Variants in RAP1GAP2 observed in about 807,000 individuals in gnomAD.
RAP1GAP2 encodes the protein RAP1 GTPase activating protein 2.
RAP1GAP2 carries 27 observed loss-of-function variants against 95.0 expected under a neutral mutation model. The ratio of observed to expected loss-of-function variants is 0.28; its 90% CI spans 0.21 to 0.39. RAP1GAP2 has a LOEUF of 0.39. Among genes scored for constraint, RAP1GAP2 ranks in the 10% least tolerant of loss-of-function variants. RAP1GAP2 has a pLI of 1.00. For synonymous variants in RAP1GAP2, 373 were observed against 380.9 expected, an observed-to-expected ratio of 0.98 and a Z score of 0.24; for missense variants, 771 against 970.0, an observed-to-expected ratio of 0.79 and a Z score of 2.72.
In RAP1GAP2 at chr17:2,867,167, T is replaced by C. The variant is rs530280044; in HGVS notation, c.81-38117T>C. Among the ~76,000 whole-genome samples the C allele has an allele frequency of 1.8e-4, 27 of 152,344 alleles. No homozygotes were observed. Among genetic ancestry groups the C allele is most frequent in the Middle Eastern group, 3.4e-3 (1 of 294 alleles). On this transcript the variant is annotated intron_variant, in intron 2 of 24. Transcript: ENST00000254695. The surrounding 1 kb of genome is among the most constrained non-coding windows in gnomAD (Gnocchi z 4.5). ...CCCTCACCTTGGCCTCCCAAAGTGC[T>C]GGGATTACAGGTGTGAGCCACCGTG...
chr17:2,817,043 C>T (rs1421176124), intron 2 of RAP1GAP2, among the ~76,000 whole-genome samples: 5 of 96,776 alleles, frequency 5.2e-5, no homozygotes, highest in Admixed American at 2.1e-4. Flanking sequence ...GCTGGATTGC[C>T]GTGGTATGAT....
chr17:3,014,339 A>G (rs1022144636), intron 17 of RAP1GAP2, among the ~76,000 whole-genome samples: 2 of 152,220 alleles, frequency 1.3e-5, no homozygotes, highest in African/African-American at 4.8e-5. Context: ...GCATTTGTAT[A>G]CTAAACATCT....
chr17:2,811,163 C>T (rs771229478), intron 2 of RAP1GAP2, among the ~76,000 whole-genome samples: 8 of 152,134 alleles, frequency 5.3e-5, no homozygotes, highest in Admixed American at 3.3e-4. Context: ...TCACCCCGGC[C>T]TCTGCAGCTA....
Position 2,870,847 on chromosome 17 carries a change from G to A in RAP1GAP2, c.81-34437G>A, listed in dbSNP as rs572640759. On this transcript the variant is annotated intron_variant, in intron 2 of 24. Transcript: ENST00000254695. The surrounding 1 kb of genome is among the most constrained non-coding windows in gnomAD (Gnocchi z 4.4). ...CATTGGCAGAACTCCTCTCTGTCTC[G>A]TCACTGTGTCTCTTTGTGTTGGCTT... 3.2e-3 allele frequency among the ~76,000 whole-genome samples: 480 copies of A among 152,296 alleles called. 1 individual carries two copies. Among genetic ancestry groups the A allele is most frequent in the Non-Finnish European group, 5.1e-3 (346 of 68,026 alleles).
intron 8 of RAP1GAP2, among the ~76,000 whole-genome samples, chr17:2,977,118 C>A (rs2045154179): frequency 7.2e-6 from 1 of 138,906 alleles, no homozygotes. Context: ...AATGAAACTC[C>A]ATCTCAAAAA....
At chr17:2,864,975 C>T (rs1338394721) in intron 2 of RAP1GAP2, among the ~76,000 whole-genome samples, 3 of 152,212 alleles carry the variant, frequency 2.0e-5, no homozygotes, top group Admixed American at 1.3e-4. Flanking sequence ...GCTTCACTTA[C>T]CTCATTTCAT....
At chr17:2,920,888 C>G (rs996451625) in intron 3 of RAP1GAP2, among the ~76,000 whole-genome samples, 8 of 152,198 alleles carry the variant, frequency 5.3e-5, no homozygotes, top group African/African-American at 1.9e-4. Flanking sequence ...ATCCGCTACC[C>G]TCTTCCATGA....
Position 2,827,672 on chromosome 17 carries a change from G to T in RAP1GAP2, c.80+27122G>T, listed in dbSNP as rs927756783. On this transcript the variant is annotated intron_variant, in intron 2 of 24. Coordinates refer to ENST00000254695, the MANE Select transcript of RAP1GAP2 (RefSeq NM_015085.5). The surrounding 1 kb of genome is among the most constrained non-coding windows in gnomAD (Gnocchi z 4.1). ...AAAATACAAAAATTAGCCGGGCGTGGTGGTACCTGCCTGTAATCCCCAAGC... is the reference window on the plus strand; with the variant it reads ...AAAATACAAAAATTAGCCGGGCGTGTTGGTACCTGCCTGTAATCCCCAAGC... Among the ~76,000 whole-genome samples, 1 of 152,098 alleles carries T rather than the reference G, an allele frequency of 6.6e-6. No individual in the cohort carries two copies. Among genetic ancestry groups the T allele is most frequent in the Admixed American group, 6.6e-5 (1 of 15,254 alleles).
At position 2,903,553 on chromosome 17, in the gene RAP1GAP2, G is replaced by A. The variant is rs889216013; in HGVS notation, c.81-1731G>A. 1.3e-5 allele frequency among the ~76,000 whole-genome samples: 2 copies of A among 152,234 alleles called. No homozygotes were observed. Among genetic ancestry groups the A allele is most frequent in the Admixed American group, 1.3e-4 (2 of 15,286 alleles). ...TCAGCCCTGCTGGTTTCTTGAGCCAGTTACAGCCTGGATCAGGCGGGAGAG... is the reference window on the plus strand; with the variant it reads ...TCAGCCCTGCTGGTTTCTTGAGCCAATTACAGCCTGGATCAGGCGGGAGAG... On this transcript the variant is annotated intron_variant, in intron 2 of 24. Coordinates refer to ENST00000254695, the MANE Select transcript of RAP1GAP2 (RefSeq NM_015085.5). The surrounding 1 kb of genome is among the most constrained non-coding windows in gnomAD (Gnocchi z 4.1).
At chr17:2,794,393 C>T (rs1016310322), upstream of RAP1GAP2, among the ~76,000 whole-genome samples, 12 of 152,308 alleles carry the variant, frequency 7.9e-5, no homozygotes, top group African/African-American at 1.2e-4. Context: ...AAGTTGTCCA[C>T]GGTACCTGTT....
chr17:2,889,883 A>ATTT, intron 2 of RAP1GAP2, among the ~76,000 whole-genome samples: 1 of 69,742 alleles, frequency 1.4e-5, no homozygotes, highest in Non-Finnish European at 2.6e-5. Flanking sequence ...ATATATATAT[A>ATTT]TATATATTTT....
chr17:2,919,414 C>G (rs2042677411), intron 3 of RAP1GAP2, among the ~76,000 whole-genome samples: 1 of 152,182 alleles, frequency 6.6e-6, no homozygotes, highest in Non-Finnish European at 1.5e-5. Context: ...GGGAGCGTCC[C>G]AAGGCTGGCG....
At chr17:2,930,606 C>T (rs1351846307) in intron 3 of RAP1GAP2, among the ~76,000 whole-genome samples, 4 of 152,180 alleles carry the variant, frequency 2.6e-5, no homozygotes, top group East Asian at 1.9e-4. Flanking sequence ...GTGGGAATGC[C>T]GCTTCAAACA....
At chr17:2,905,822 C>T (rs924694696) in intron 3 of RAP1GAP2, among the ~76,000 whole-genome samples, 11 of 152,124 alleles carry the variant, frequency 7.2e-5, no homozygotes, top group South Asian at 4.1e-4. Context: ...GCTGGAGGTT[C>T]GGGTCGGGGT....
chr17:2,903,791 G>A lies in RAP1GAP2; in HGVS notation c.81-1493G>A, dbSNP rs1195801791. Among the ~76,000 whole-genome samples, 3 of 152,158 alleles carry A rather than the reference G, an allele frequency of 2.0e-5. No individual in the cohort carries two copies. The highest frequency in any genetic ancestry group is 6.5e-5 in the Admixed American group (1 of 15,276). Reference sequence around the variant, plus strand: ...TGGTCAACTGCAGGGGCAGGCAGGGGTACACATGACCCAGGCCTAGCCTGG... The same window carrying A: ...TGGTCAACTGCAGGGGCAGGCAGGGATACACATGACCCAGGCCTAGCCTGG... On this transcript the variant is annotated intron_variant, in intron 2 of 24. Coordinates refer to ENST00000254695, the MANE Select transcript of RAP1GAP2 (RefSeq NM_015085.5). This position sits in a 1 kb window ranked among gnomAD's most constrained non-coding sequence, Gnocchi z 4.1.
chr17:2,854,557 T>C (rs2072048596), intron 2 of RAP1GAP2, among the ~76,000 whole-genome samples: 1 of 152,324 alleles, frequency 6.6e-6, no homozygotes, highest in South Asian at 2.1e-4. Flanking sequence ...AGGAGCAAGT[T>C]TGGAGGTTGT....
At chr17:2,914,404 T>C (rs2042497533) in intron 3 of RAP1GAP2, among the ~76,000 whole-genome samples, 1 of 152,216 alleles carries the variant, frequency 6.6e-6, no homozygotes, top group Admixed American at 6.5e-5. Flanking sequence ...ACTATTCTTA[T>C]AGTTCTTTTT....
chr17:2,781,910 C>T (rs1454030147), intron 1 of RAP1GAP2, among the ~76,000 whole-genome samples: 2 of 151,054 alleles, frequency 1.3e-5, no homozygotes, highest in Admixed American at 6.6e-5. Flanking sequence ...GTGTGCAGGT[C>T]TCTGTGTGGG....
chr17:2,900,813 G>T (rs1160781495), intron 2 of RAP1GAP2, among the ~76,000 whole-genome samples: 1 of 152,164 alleles, frequency 6.6e-6, no homozygotes, highest in Non-Finnish European at 1.5e-5. Flanking sequence ...AAGACACAAC[G>T]AGGTAACTTA....
Sources: allele counts gnomAD v4.1 joint callset (sites outside exome capture counted in the v4.1 genomes callset), GRCh38; gene constraint gnomAD v4.1.1; non-coding constraint Gnocchi (gnomAD v3.1); transcripts MANE v1.5; gene names NCBI Gene and HGNC (gene_info 2026-07-23, HGNC 2026-07-21).